Variants in APPBP2 observed in about 807,000 individuals in gnomAD.
APPBP2 encodes amyloid beta precursor protein binding protein 2, also known as amyloid protein-binding protein 2.
Under a neutral mutation model 76.0 loss-of-function variants are expected in APPBP2, and 15 were observed. The observed-to-expected ratio is 0.20, with a 90% confidence interval of 0.13 to 0.30. The LOEUF (loss-of-function observed/expected upper bound fraction) is 0.30. APPBP2 is among the 10% of genes least tolerant of loss of function. APPBP2 has a pLI of 1.00. For missense variants in APPBP2, 401 were observed against 687.2 expected (o/e 0.58, Z 4.66); for synonymous variants, 222 against 242.2 (o/e 0.92, Z 0.77).
At chr17:60,518,647 GCA>G (rs549817281) in intron 1 of APPBP2, among the ~76,000 whole-genome samples, 11 of 152,132 alleles carry the variant, frequency 7.2e-5, no homozygotes, top group Admixed American at 7.2e-4. Flanking sequence ...GGGACCGTAG[GCA>G]TGTGCCACCA....
chr17:60,450,801 A>C (rs1487895822), intron 12 of APPBP2, among the ~76,000 whole-genome samples: 1 of 151,856 alleles, frequency 6.6e-6, no homozygotes, highest in African/African-American at 2.4e-5. Flanking sequence ...AAAAAGAAAA[A>C]AGAAAAAAAG....
intron 5 of APPBP2, among the ~76,000 whole-genome samples, chr17:60,465,612 T>C (rs558904301): frequency 6.6e-6 from 1 of 152,122 alleles, no homozygotes; most frequent in Non-Finnish European, 1.5e-5. Context: ...CTCATGCCTG[T>C]AATCCCAGCA....
chr17:60,519,832 G>T (rs2090994539), intron 1 of APPBP2, among the ~76,000 whole-genome samples: 1 of 140,124 alleles, frequency 7.1e-6, no homozygotes, highest in African/African-American at 2.8e-5. Flanking sequence ...CACCCAGGCT[G>T]GAGTACGGTG....
chr17:60,488,984 A>G (rs1474635452), intron 3 of APPBP2, among the ~76,000 whole-genome samples: 2 of 151,846 alleles, frequency 1.3e-5, no homozygotes, highest in Non-Finnish European at 2.9e-5. Flanking sequence ...GCACTTTGGG[A>G]GACTGAGCTG....
chr17:60,493,609 C>T (rs1598363978), intron 3 of APPBP2, among the ~76,000 whole-genome samples: 1 of 149,992 alleles, frequency 6.7e-6, no homozygotes, highest in East Asian at 2.0e-4. Context: ...GCTAGAATTA[C>T]AGGTGAGAAC....
intron 3 of APPBP2, among the ~76,000 whole-genome samples, 194 bp from the exon 4 acceptor site, chr17:60,479,465 C>T (rs2143381651): frequency 6.6e-6 from 1 of 152,254 alleles, no homozygotes; most frequent in East Asian, 1.9e-4. Context: ...AGGGTTAAGG[C>T]TAAGACCTTG....
At position 60,494,490 on chromosome 17, in the gene APPBP2, CT is replaced by C; in HGVS notation, c.354del (p.Ala119ProfsTer8). The part of the protein sequence containing the change: ...IAESDAAVKE[K>X]AIQVGFVLGG... ...CCTAAAACAAAGCCAACCTGAATGG[CT>C]TTTTCCTTTACTGCAGCATCTGATT... On this transcript the variant is annotated frameshift_variant, in exon 3 of 13. Transcript: ENST00000083182. LOFTEE classifies it high-confidence loss of function. 2 of 1,610,304 alleles carry C rather than the reference CT, an allele frequency of 1.2e-6. No homozygotes were observed. The highest frequency in any genetic ancestry group is 8.5e-7 in the Non-Finnish European group (1 of 1,179,318).
intron 4 of APPBP2, chr17:60,468,371 G>A (rs1224885214): frequency 6.6e-6 from 1 of 152,076 alleles, no homozygotes; most frequent in East Asian, 1.9e-4. Context: ...ATAGCCAAAT[G>A]GTTGAAAGAG....
intron 1 of APPBP2, among the ~76,000 whole-genome samples, chr17:60,504,521 A>C (rs1376885316): frequency 6.6e-6 from 1 of 152,244 alleles, no homozygotes. Context: ...CAGATTTATC[A>C]AAGTTTTAAA....
intron 4 of APPBP2, among the ~76,000 whole-genome samples, chr17:60,475,100 G>A (rs929996076): frequency 1.1e-4 from 16 of 151,834 alleles, no homozygotes. Context: ...CATGGTGGCG[G>A]GCGCCTATAG....
chr17:60,513,344 A>T, intron 1 of APPBP2: 2 of 609,260 alleles, frequency 3.3e-6, no homozygotes, highest in Non-Finnish European at 6.1e-6. Flanking sequence ...ACACACCTGA[A>T]ACTAGAGGAA....
In APPBP2 at chr17:60,443,842, C is replaced by T. The variant is rs1264656058; in HGVS notation, c.*3739G>A. The T allele has an allele frequency of 6.6e-6, 1 of 152,578 alleles. No individual in the cohort carries two copies. The highest frequency in any genetic ancestry group is 2.4e-5 in the African/African-American group (1 of 41,422). 9.5% of individuals were successfully genotyped at this position (152,578 alleles called of 1,614,324 possible). On this transcript the variant is annotated 3_prime_UTR_variant, in exon 13 of 13. Coordinates refer to ENST00000083182, the MANE Select transcript of APPBP2 (RefSeq NM_006380.5). Reference sequence around the variant, plus strand: ...TAAAGAATAGTATTATGCAATAAATCCTAAAGCACACTCCTTCTGATTATC... The same window carrying T: ...TAAAGAATAGTATTATGCAATAAATTCTAAAGCACACTCCTTCTGATTATC...
At chr17:60,493,283 A>C (rs1383516632) in intron 3 of APPBP2, among the ~76,000 whole-genome samples, 2 of 152,194 alleles carry the variant, frequency 1.3e-5, no homozygotes, top group African/African-American at 4.8e-5. Context: ...ACTGCACTCT[A>C]GCCTGGGTGA....
chr17:60,502,075 T>C (rs370485779), intron 1 of APPBP2, among the ~76,000 whole-genome samples: 1 of 152,208 alleles, frequency 6.6e-6, no homozygotes, highest in South Asian at 2.1e-4. Flanking sequence ...ATTTATTTTT[T>C]AATGGTCTTA....
intron 1 of APPBP2, among the ~76,000 whole-genome samples, chr17:60,519,486 T>C (rs1044328545): frequency 3.3e-5 from 5 of 150,264 alleles, no homozygotes; most frequent in Non-Finnish European, 7.4e-5. Context: ...TGTTATCTCC[T>C]ACAGAAAGGA....
intron 2 of APPBP2, among the ~76,000 whole-genome samples, chr17:60,495,426 AT>A (rs2090766351): frequency 7.8e-6 from 1 of 128,540 alleles, no homozygotes; most frequent in African/African-American, 4.1e-5. Context: ...TTTTAAAAAT[AT>A]TTTATTTATT....
Position 60,462,027 on chromosome 17 carries a change from T to C in APPBP2, c.797A>G (p.Glu266Gly). ...CVVKREFKKA[E>G]QLIKHAVYLA... is the part of the protein sequence containing the mutation. ...ATACACTGCATGTTTAATTAACTGT[T>C]CTGCCTTCTTAAATTCACGTTTTAC... Residue 266 changes from glutamate to glycine, a missense_variant, in exon 7 of 13, where the codon GAA becomes GGA. Glu to Gly is a moderately conservative substitution (Grantham distance 98, BLOSUM62 -2). Around this residue, in one of 5 missense-constraint regions of APPBP2, gnomAD observed 130 missense variants for 322.7 expected, o/e 0.40. Coordinates refer to ENST00000083182, the MANE Select transcript of APPBP2 (RefSeq NM_006380.5). 1 of 1,613,712 alleles carries C rather than the reference T, an allele frequency of 6.2e-7. No individual in the cohort carries two copies. Among genetic ancestry groups the C allele is most frequent in the Non-Finnish European group, 8.5e-7 (1 of 1,179,746 alleles).
At chr17:60,495,438 TATTATTTATTTA>T (rs2090767044) in intron 2 of APPBP2, among the ~76,000 whole-genome samples, 1 of 105,416 alleles carries the variant, frequency 9.5e-6, no homozygotes, top group African/African-American at 6.6e-5. Flanking sequence ...TTTATTTATT[TATTATTTATTTA>T]TTTATTTATT....
At chr17:60,513,497 G>A in intron 1 of APPBP2, 1 of 558,884 alleles carries the variant, frequency 1.8e-6, no homozygotes, top group Admixed American at 2.6e-5. Context: ...CGAAGAAGGA[G>A]GAACAGCTGA....
Sources: allele counts gnomAD v4.1 joint callset (sites outside exome capture counted in the v4.1 genomes callset), GRCh38; gene constraint gnomAD v4.1.1; regional missense constraint gnomAD v4.1.1; transcripts MANE v1.5; gene names NCBI Gene and HGNC (gene_info 2026-07-23, HGNC 2026-07-21).